The following MCTP1 variants were observed in gnomAD, a reference collection of about 807,000 sequenced individuals.
The protein encoded by MCTP1 is multiple C2 and transmembrane domain containing 1.
In MCTP1, 69 loss-of-function variants were observed where a neutral mutation model predicts 120.6. The ratio of observed to expected loss-of-function variants is 0.57; its 90% CI spans 0.47 to 0.70. The LOEUF (loss-of-function observed/expected upper bound fraction) is 0.70. Ranked by LOEUF, MCTP1 falls within the 30% of genes least tolerant of loss-of-function variation. The pLI is 0.00. For synonymous variants in MCTP1, 529 were observed against 493.1 expected, an observed-to-expected ratio of 1.07 and a Z score of -0.96; for missense variants, 1,203 against 1,248.8, an observed-to-expected ratio of 0.96 and a Z score of 0.55.
chr5:95,045,455 T>C (rs1055899488), intron 1 of MCTP1, among the ~76,000 whole-genome samples: 7 of 152,224 alleles, frequency 4.6e-5, no homozygotes, highest in Non-Finnish European at 1.0e-4. Context: ...ATTTGCTGAC[T>C]GACTGACTTG....
chr5:95,063,494 A>G (rs1398850115), intron 1 of MCTP1, among the ~76,000 whole-genome samples: 1 of 152,374 alleles, frequency 6.6e-6, no homozygotes, highest in Admixed American at 6.5e-5. Flanking sequence ...AGCTAATTCC[A>G]GGATTTGCCT....
chr5:95,196,604 C>T (rs1333351734), intron 1 of MCTP1, among the ~76,000 whole-genome samples: 2 of 152,088 alleles, frequency 1.3e-5, no homozygotes, highest in Non-Finnish European at 2.9e-5. Context: ...CATAACAGTA[C>T]GAAGAAATCC....
chr5:94,762,866 C>T (rs1341667862), intron 19 of MCTP1, among the ~76,000 whole-genome samples: 1 of 152,164 alleles, frequency 6.6e-6, no homozygotes, highest in Non-Finnish European at 1.5e-5. Flanking sequence ...CTTCCTGATA[C>T]TGGAGCATGG....
intron 1 of MCTP1, among the ~76,000 whole-genome samples, chr5:95,035,727 A>AAT (rs1554188539): frequency 1.1e-4 from 17 of 152,068 alleles, no homozygotes; most frequent in South Asian, 2.1e-4. Flanking sequence ...GTAATTAAAA[A>AAT]ATATATATAT....
intron 19 of MCTP1, among the ~76,000 whole-genome samples, chr5:94,749,512 G>A (rs781509054): frequency 4.6e-5 from 7 of 151,902 alleles, no homozygotes; most frequent in Middle Eastern, 3.2e-3. Flanking sequence ...AAAATTAGCC[G>A]GGCATGCTGG....
At chr5:94,931,910 C>T in intron 6 of MCTP1, 43 bp downstream of exon 6, 1 of 1,490,488 alleles carries the variant, frequency 6.7e-7, no homozygotes, top group Non-Finnish European at 9.3e-7. Flanking sequence ...GATGATAGTT[C>T]TGCTCAACAA....
chr5:95,170,471 C>A (rs928342568), intron 1 of MCTP1, among the ~76,000 whole-genome samples: 3 of 152,088 alleles, frequency 2.0e-5, no homozygotes, highest in Admixed American at 2.0e-4. Context: ...ATCCTTTTAA[C>A]TTTCTGTCTC....
chr5:95,002,468 C>G (rs1262123933), intron 2 of MCTP1, among the ~76,000 whole-genome samples: 5 of 152,208 alleles, frequency 3.3e-5, no homozygotes, highest in Admixed American at 6.5e-5. Context: ...AGGGCCAGAG[C>G]TGCCCAAGGC....
intron 19 of MCTP1, among the ~76,000 whole-genome samples, chr5:94,769,080 C>T (rs985430141): frequency 1.3e-5 from 2 of 152,128 alleles, no homozygotes; most frequent in Non-Finnish European, 2.9e-5. Context: ...AATTACATCA[C>T]TTGCAGCAAT....
intron 19 of MCTP1, among the ~76,000 whole-genome samples, chr5:94,740,771 T>C (rs1765351176): frequency 6.6e-6 from 1 of 152,208 alleles, no homozygotes; most frequent in South Asian, 2.1e-4. Context: ...ACTGGACTTT[T>C]ATGCTCTTGA....
chr5:94,944,850 T>C (rs889227847), intron 3 of MCTP1, among the ~76,000 whole-genome samples: 7 of 152,182 alleles, frequency 4.6e-5, no homozygotes, highest in Admixed American at 3.9e-4. Flanking sequence ...AAGTGAGCTT[T>C]AGAAATACAG....
intron 11 of MCTP1, among the ~76,000 whole-genome samples, chr5:94,890,137 T>G (rs1802254837): frequency 6.6e-6 from 1 of 152,174 alleles, no homozygotes; most frequent in Non-Finnish European, 1.5e-5. Flanking sequence ...TGGCTAGAAC[T>G]ACCGGCATGT....
intron 1 of MCTP1, among the ~76,000 whole-genome samples, chr5:95,271,868 T>C (rs927228076): frequency 6.6e-6 from 1 of 152,170 alleles, no homozygotes; most frequent in Non-Finnish European, 1.5e-5. Context: ...GTAGAACACA[T>C]ACCATAGTGG....
At chr5:95,260,335 T>C (rs1758358301) in intron 1 of MCTP1, among the ~76,000 whole-genome samples, 1 of 152,162 alleles carries the variant, frequency 6.6e-6, no homozygotes, top group Admixed American at 6.5e-5. Context: ...ATGTTAGTTA[T>C]TTAAAAAAAT....
intron 1 of MCTP1, among the ~76,000 whole-genome samples, chr5:95,040,942 T>G (rs1483264264): frequency 1.3e-5 from 2 of 152,148 alleles, no homozygotes; most frequent in African/African-American, 4.8e-5. Flanking sequence ...AGAAGGCTAA[T>G]AATAGTGGAG....
chr5:95,140,991 G>A (rs1270504515), intron 1 of MCTP1, among the ~76,000 whole-genome samples: 1 of 151,940 alleles, frequency 6.6e-6, no homozygotes, highest in East Asian at 1.9e-4. Context: ...TAATGGAGGA[G>A]GCATAAGACA....
At chr5:94,955,179 C>G (rs888594217) in intron 2 of MCTP1, among the ~76,000 whole-genome samples, 1 of 152,176 alleles carries the variant, frequency 6.6e-6, no homozygotes. Context: ...GGAACTCCTT[C>G]CCCTACCCAA....
chr5:95,262,506 A>T (rs532327764), intron 1 of MCTP1, among the ~76,000 whole-genome samples: 109 of 152,348 alleles, frequency 7.2e-4, no homozygotes, highest in African/African-American at 2.5e-3. Context: ...TGAGATAAAG[A>T]TGCCCAAATC....
At position 95,096,311 on chromosome 5, in the gene MCTP1, G is replaced by A. The variant is rs888393956; in HGVS notation, c.721-78827C>T. On this transcript the variant is annotated intron_variant, in intron 1 of 22. Transcript: ENST00000515393. ...GCACAAAGCTCTAAATAACCATTTC[G>A]TCCTCAGGCAGACAAAACAGAGTTT... 2.0e-5 allele frequency among the ~76,000 whole-genome samples: 3 copies of A among 152,226 alleles called. 1 individual carries two copies. Among genetic ancestry groups the A allele is most frequent in the South Asian group, 4.1e-4 (2 of 4,826 alleles).
Sources: gnomAD v4.1 joint callset for allele counts (sites outside exome capture counted in the v4.1 genomes callset) on GRCh38, gnomAD v4.1.1 for gene constraint, MANE v1.5 for transcripts, NCBI Gene and HGNC (gene_info 2026-07-23, HGNC 2026-07-21) for gene names.